Variants in PIP4K2A observed in about 807,000 individuals in gnomAD.
The protein encoded by PIP4K2A is phosphatidylinositol 5-phosphate 4-kinase type-2 alpha.
A neutral mutation model predicts 42.9 loss-of-function variants in PIP4K2A; 14 were observed. The ratio of observed to expected loss-of-function variants is 0.33; its 90% CI spans 0.22 to 0.51. PIP4K2A has a LOEUF of 0.51. PIP4K2A is among the 20% of genes least tolerant of loss of function. PIP4K2A has a pLI of 0.97. For missense variants in PIP4K2A, 434 were observed against 519.8 expected (o/e 0.83, Z 1.61); for synonymous variants, 192 against 192.2 (o/e 1.00, Z 0.01).
rs527968606 is a variant in PIP4K2A at position 22,541,981 on chromosome 10, C to A, written c.859G>T (p.Glu287Ter). 6.2e-7 allele frequency: 1 copy of A among 1,614,028 alleles called. No homozygotes were observed. Among genetic ancestry groups the A allele is most frequent in the South Asian group, 1.1e-5 (1 of 91,074 alleles). The change falls in exon 8 of 10, where the codon GAA (glutamate) becomes TAA (stop). Residue 287 changes from glutamate (E) to a stop codon, truncating the protein, a stop_gained. Transcript: ENST00000376573. LOFTEE classifies it high-confidence loss of function. ...TCCTCACACTCCACTTCCTCCTGTT[C>A]GGCTCTCTCCACATCATGAATTCCC... is the stretch of plus-strand genomic sequence containing the variant. ...LVGIHDVERA[E>*]QEEVECEEND...
chr10:22,669,320 G>A (rs1839406268), intron 1 of PIP4K2A, among the ~76,000 whole-genome samples: 1 of 152,132 alleles, frequency 6.6e-6, no homozygotes, highest in East Asian at 1.9e-4. Context: ...GGTGCCATAA[G>A]ATTATAGGTG....
intron 4 of PIP4K2A, among the ~76,000 whole-genome samples, chr10:22,585,817 A>AG (rs1837381602): frequency 6.6e-6 from 1 of 152,056 alleles, no homozygotes; most frequent in Non-Finnish European, 1.5e-5. Context: ...GCTGGTCTTG[A>AG]ACTCCTGGCC....
Position 22,610,481 on chromosome 10 carries a change from T to C in PIP4K2A, c.145-764A>G, listed in dbSNP as rs113910393. On this transcript the variant is annotated intron_variant, in intron 1 of 9. Coordinates refer to ENST00000376573, the MANE Select transcript of PIP4K2A (RefSeq NM_005028.5). ...CTAGCAATAAAAACCATGTCAAAGA[T>C]TTATGCTTCCAGTAGGATAGAAGGC... Among the ~76,000 whole-genome samples, 138 of 152,354 alleles carry C rather than the reference T, an allele frequency of 9.1e-4. 1 individual carries two copies. Among genetic ancestry groups the C allele is most frequent in the Non-Finnish European group, 1.5e-3 (101 of 68,036 alleles).
At chr10:22,705,994 A>G (rs147238823) in intron 1 of PIP4K2A, among the ~76,000 whole-genome samples, 21 of 152,060 alleles carry the variant, frequency 1.4e-4, no homozygotes, top group Admixed American at 3.9e-4. Flanking sequence ...GGCAGCAGCA[A>G]GCAGAAGAAT....
chr10:22,611,503 A>G (rs755367773), intron 1 of PIP4K2A, among the ~76,000 whole-genome samples: 2 of 152,220 alleles, frequency 1.3e-5, no homozygotes, highest in Non-Finnish European at 2.9e-5. Context: ...TAGTTAAACT[A>G]AAGAAGGCCA....
At chr10:22,611,871 A>G (rs1326883434) in intron 1 of PIP4K2A, among the ~76,000 whole-genome samples, 1 of 152,226 alleles carries the variant, frequency 6.6e-6, no homozygotes, top group Non-Finnish European at 1.5e-5. Flanking sequence ...GAACAAGAGA[A>G]AGCGAAACCC....
rs1838761091 is a variant in PIP4K2A, at chr10:22,640,583, C to T, written c.145-30866G>A. 3.3e-5 allele frequency among the ~76,000 whole-genome samples: 5 copies of T among 152,082 alleles called. No individual in the cohort carries two copies. In the South Asian group the frequency reaches 1.0e-3, roughly 32 times the overall value. Reference sequence around the variant, plus strand: ...GTAGCAGGGTGGAGTGCCCAGTGACCCGTGCAGAGCCTAGGGGATTGCCTG... The same window carrying T: ...GTAGCAGGGTGGAGTGCCCAGTGACTCGTGCAGAGCCTAGGGGATTGCCTG... On this transcript the variant is annotated intron_variant, in intron 1 of 9. Coordinates refer to ENST00000376573, the MANE Select transcript of PIP4K2A (RefSeq NM_005028.5).
chr10:22,602,843 C>T (rs117403828), intron 3 of PIP4K2A, among the ~76,000 whole-genome samples: 6 of 152,290 alleles, frequency 3.9e-5, no homozygotes, highest in Non-Finnish European at 8.8e-5. Context: ...GGCCACTGTC[C>T]TGACTGCAAA....
chr10:22,695,518 G>C (rs191473346), intron 1 of PIP4K2A, among the ~76,000 whole-genome samples: 157 of 152,014 alleles, frequency 1.0e-3, no homozygotes, highest in Non-Finnish European at 1.8e-3. Flanking sequence ...GGATTTCCTA[G>C]GAGAGCTACA....
chr10:22,652,590 A>C, intron 1 of PIP4K2A, among the ~76,000 whole-genome samples: 1 of 152,234 alleles, frequency 6.6e-6, no homozygotes. Flanking sequence ...CTAGCATATT[A>C]TTTCACAGGC....
chr10:22,555,170 C>G (rs4747442), intron 6 of PIP4K2A, among the ~76,000 whole-genome samples: 79,858 of 152,008 alleles, frequency 0.53, 22,664 homozygotes, highest in South Asian at 0.77. Context: ...CATGGCTCAG[C>G]TTTCCACGTA....
At position 22,591,755 on chromosome 10, in the gene PIP4K2A, G is replaced by A. The variant is rs1837517793; in HGVS notation, c.366C>T (p.Leu122=). 2.5e-6 allele frequency: 4 copies of A among 1,612,908 alleles called. No homozygotes were observed. The highest frequency in any genetic ancestry group is 1.7e-5 in the Admixed American group (1 of 59,858). Residue 122 remains leucine (L), a synonymous_variant, in exon 4 of 10, where the codon CTC becomes CTT. Coordinates refer to ENST00000376573, the MANE Select transcript of PIP4K2A (RefSeq NM_005028.5). ...FQNSLTRSAP[L]PNDSQARSGA... Reference sequence around the variant, plus strand: ...CACTGCGGGCCTGGGAGTCGTTGGGGAGGGGTGCGCTCCTGGTCAGGGAAT... The same window carrying A: ...CACTGCGGGCCTGGGAGTCGTTGGGAAGGGGTGCGCTCCTGGTCAGGGAAT...
At chr10:22,694,057 G>A (rs1422283902) in intron 1 of PIP4K2A, 1 of 152,120 alleles carries the variant, frequency 6.6e-6, no homozygotes, top group Non-Finnish European at 1.5e-5. Flanking sequence ...ATACCCCTGG[G>A]TGCCACAGGG....
intron 1 of PIP4K2A, among the ~76,000 whole-genome samples, chr10:22,683,835 TCACACACACACACACACACACACACA>T (rs138327782): frequency 7.2e-6 from 1 of 139,302 alleles, no homozygotes; most frequent in African/African-American, 2.7e-5. Context: ...ACCAAGCAGT[TCACACACACACACACACACACACACA>T]CACACACACA....
chr10:22,611,111 G>A (rs1838025308), intron 1 of PIP4K2A, among the ~76,000 whole-genome samples: 1 of 152,162 alleles, frequency 6.6e-6, no homozygotes, highest in South Asian at 2.1e-4. Context: ...AGATACAGTT[G>A]GGCACAGCAG....
chr10:22,612,304 GGAGGGAGAAGCACAAT>G (rs1463915393), intron 1 of PIP4K2A, among the ~76,000 whole-genome samples: 1 of 152,222 alleles, frequency 6.6e-6, no homozygotes, highest in Non-Finnish European at 1.5e-5. Flanking sequence ...GACAGAGTCA[GGAGGGAGAAGCACAAT>G]GGGCTACGAG....
chr10:22,701,264 C>T (rs1024326956), intron 1 of PIP4K2A, among the ~76,000 whole-genome samples: 2 of 152,152 alleles, frequency 1.3e-5, no homozygotes, highest in Non-Finnish European at 2.9e-5. Context: ...AAGAAAATGA[C>T]CTAGGTGAGT....
intron 8 of PIP4K2A, among the ~76,000 whole-genome samples, chr10:22,540,758 T>A (rs1289713918): frequency 1.3e-5 from 2 of 152,210 alleles, no homozygotes; most frequent in African/African-American, 4.8e-5. Context: ...TTTCTCCATG[T>A]AGGTCAGGCT....
intron 4 of PIP4K2A, among the ~76,000 whole-genome samples, chr10:22,581,967 T>C (rs1305372062): frequency 6.6e-6 from 1 of 151,870 alleles, no homozygotes; most frequent in East Asian, 1.9e-4. Flanking sequence ...ATAAAAGAAA[T>C]GAGCCAGGTG....
Sources: allele counts gnomAD v4.1 joint callset (sites outside exome capture counted in the v4.1 genomes callset), GRCh38; gene constraint gnomAD v4.1.1; transcripts MANE v1.5; gene names NCBI Gene and HGNC (gene_info 2026-07-23, HGNC 2026-07-21).